The following MTMR8 variants were observed in gnomAD, a reference collection of about 807,000 sequenced individuals.
MTMR8 encodes the protein phosphatidylinositol-3,5-bisphosphate 3-phosphatase MTMR8.
MTMR8 carries 65 observed loss-of-function variants against 39.3 expected under a neutral mutation model. The ratio of observed to expected loss-of-function variants is 1.65; its 90% CI spans 1.35 to 2.03. MTMR8 has a LOEUF of 2.03. Among genes scored for constraint, MTMR8 ranks in the 30% most tolerant of loss-of-function variants. The pLI is 0.00. For synonymous variants in MTMR8, 245 were observed against 185.2 expected, an observed-to-expected ratio of 1.32 and a Z score of -2.62; for missense variants, 777 against 538.9, an observed-to-expected ratio of 1.44 and a Z score of -4.37.
chrX:64,361,675 C>T (rs181052817), intron 1 of MTMR8, among the ~76,000 whole-genome samples: 7 of 110,970 alleles, frequency 6.3e-5, no homozygotes, highest in South Asian at 3.7e-4. Context: ...TAAAAGTAAA[C>T]GATCTTAACT....
intron 12 of MTMR8, among the ~76,000 whole-genome samples, chrX:64,272,708 T>C (rs1352315007): frequency 2.7e-5 from 3 of 109,993 alleles, no homozygotes; most frequent in African/African-American, 9.9e-5. Flanking sequence ...TCTAAAGAAA[T>C]CCACACTAAG....
At chrX:64,344,965 C>T in intron 7 of MTMR8, 80 bp downstream of exon 7, 1 of 1,082,294 alleles carries the variant, frequency 9.2e-7, no homozygotes, top group Non-Finnish European at 1.2e-6. Context: ...TTATATTCCA[C>T]CCCAAATCAG....
At chrX:64,283,323 C>G (rs984553105) in intron 12 of MTMR8, among the ~76,000 whole-genome samples, 1 of 112,011 alleles carries the variant, frequency 8.9e-6, no homozygotes, top group East Asian at 2.8e-4. Flanking sequence ...ACAAAGCAGC[C>G]TGGAAGCTCG....
Position 64,268,549 on chromosome X carries a change from G to C in MTMR8, c.2103C>G (p.Ser701=), listed in dbSNP as rs745768676. Residue 701 remains serine (S), a synonymous_variant, in exon 14 of 14, where the codon TCC becomes TCG. Transcript: ENST00000374852. ...SKASTKEADY[S]KHQ is the part of the protein sequence containing the mutation. ...ATGAGTAACTAACTCACTGATGCTT[G>C]GAGTAGTCTGCCTCCTTGGTGCTGG... 3.8e-5 allele frequency: 46 copies of C among 1,205,110 alleles called. No individual in the cohort carries two copies. Among genetic ancestry groups the C allele is most frequent in the Non-Finnish European group, 5.0e-5 (45 of 892,851 alleles).
Position 64,270,981 on chromosome X carries a change from G to T in MTMR8, c.1574C>A (p.Ala525Glu), listed in dbSNP as rs142296761. The T allele has an allele frequency of 7.0e-5, 85 of 1,207,972 alleles. No individual in the cohort carries two copies. Among genetic ancestry groups the T allele is most frequent in the Non-Finnish European group, 9.5e-5 (85 of 894,384 alleles). Residue 525 changes from alanine to glutamate, a missense_variant, in exon 13 of 14, where the codon GCA (alanine) becomes GAA (glutamate). Physicochemically the swap from Ala to Glu is moderately radical, Grantham distance 107. Coordinates refer to ENST00000374852, the MANE Select transcript of MTMR8 (RefSeq NM_017677.4). ...ESLLEIKKQR[A>E]MLETDVHELE... ...TTCATGCACATCTGTCTCCAGCATTGCTCTCTGTTTCTTAATTTCCAGGAG... is the reference window on the plus strand; with the variant it reads ...TTCATGCACATCTGTCTCCAGCATTTCTCTCTGTTTCTTAATTTCCAGGAG...
intron 1 of MTMR8, among the ~76,000 whole-genome samples, chrX:64,383,149 C>T (rs1483701199): frequency 9.0e-6 from 1 of 111,231 alleles, no homozygotes; most frequent in Non-Finnish European, 1.9e-5. Context: ...GAAAAAAGAT[C>T]TCTTTTGATC....
chrX:64,302,115 C>T (rs1021580402), intron 12 of MTMR8, among the ~76,000 whole-genome samples: 1 of 112,898 alleles, frequency 8.9e-6, no homozygotes, highest in Admixed American at 9.3e-5. Flanking sequence ...TTTCTGGCTG[C>T]TTTGTTTACC....
intron 13 of MTMR8, among the ~76,000 whole-genome samples, 154 bp downstream of exon 13, chrX:64,270,793 A>G (rs1382663918): frequency 2.7e-5 from 3 of 111,644 alleles, no homozygotes; most frequent in African/African-American, 6.5e-5. Context: ...AAAAGGAGTT[A>G]TGCTCAGAGA....
chrX:64,324,445 A>G (rs893265917), intron 12 of MTMR8, among the ~76,000 whole-genome samples: 3 of 110,108 alleles, frequency 2.7e-5, no homozygotes, highest in African/African-American at 9.9e-5. Context: ...GCACTTTGGG[A>G]GGCCAAGAGG....
chrX:64,375,327 C>A (rs1327129075), intron 1 of MTMR8, among the ~76,000 whole-genome samples: 1 of 108,929 alleles, frequency 9.2e-6, no homozygotes, highest in East Asian at 2.9e-4. Context: ...TGCACTCCAC[C>A]CTGGGTGACA....
intron 2 of MTMR8, 50 bp downstream of exon 2, chrX:64,359,355 T>C: frequency 8.7e-7 from 1 of 1,146,851 alleles, no homozygotes; most frequent in South Asian, 2.1e-5. Context: ...ATAGAGAGCA[T>C]GTATGCACAA....
chrX:64,296,160 G>C lies in MTMR8; in HGVS notation c.1482-25087C>G, dbSNP rs147962237. On this transcript the variant is annotated intron_variant, in intron 12 of 13. Coordinates refer to ENST00000374852, the MANE Select transcript of MTMR8 (RefSeq NM_017677.4). The stretch of plus-strand genomic sequence containing the variant: ...AAGTTCTGATACATGCTGCAACATG[G>C]ATGGACCCTGAAAACACTATGCTAA... Among the ~76,000 whole-genome samples the C allele has an allele frequency of 1.6e-3, 184 of 111,842 alleles. 1 individual carries two copies. Among genetic ancestry groups the C allele is most frequent in the Middle Eastern group, 9.2e-3 (2 of 218 alleles).
chrX:64,316,647 C>CA (rs1214648002), intron 12 of MTMR8, among the ~76,000 whole-genome samples: 4 of 111,007 alleles, frequency 3.6e-5, no homozygotes, highest in Non-Finnish European at 5.7e-5. Flanking sequence ...GGCCCAGTCT[C>CA]AAAAAAAGAC....
At chrX:64,302,348 C>A (rs982334044) in intron 12 of MTMR8, among the ~76,000 whole-genome samples, 2 of 112,509 alleles carry the variant, frequency 1.8e-5, no homozygotes, top group Non-Finnish European at 3.8e-5. Flanking sequence ...TCTGTCACCC[C>A]TTTCTTTGAT....
At chrX:64,315,953 C>T (rs1286457204) in intron 12 of MTMR8, among the ~76,000 whole-genome samples, 1 of 110,752 alleles carries the variant, frequency 9.0e-6, no homozygotes, top group Non-Finnish European at 1.9e-5. Flanking sequence ...TCTGTGTGTC[C>T]GTGTATCATC....
At chrX:64,375,935 TAGTG>T (rs1029687620) in intron 1 of MTMR8, among the ~76,000 whole-genome samples, 13 of 111,703 alleles carry the variant, frequency 1.2e-4, no homozygotes, top group African/African-American at 2.9e-4. Context: ...GTTCTCATGA[TAGTG>T]AGTGAGTTCT....
At chrX:64,306,020 G>T (rs1008181931) in intron 12 of MTMR8, 1 of 192,121 alleles carries the variant, frequency 5.2e-6, no homozygotes, top group African/African-American at 3.0e-5. Context: ...GGAGGCTAAG[G>T]CAGGATGATT....
At chrX:64,335,397 G>T (rs755909095) in intron 10 of MTMR8, among the ~76,000 whole-genome samples, 18 of 112,072 alleles carry the variant, frequency 1.6e-4, no homozygotes, top group Non-Finnish European at 3.4e-4. Context: ...CTCCCAAAGT[G>T]CTAGGATCAC....
At chrX:64,306,361 C>G in intron 12 of MTMR8, 1 of 237,826 alleles carries the variant, frequency 4.2e-6, no homozygotes. Flanking sequence ...AACTGTAAAG[C>G]ATTGTCATCT....
Sources: allele counts gnomAD v4.1 joint callset (sites outside exome capture counted in the v4.1 genomes callset), GRCh38; gene constraint gnomAD v4.1.1; transcripts MANE v1.5; gene names NCBI Gene and HGNC (gene_info 2026-07-23, HGNC 2026-07-21).